Variants in TTLL7 observed in about 807,000 individuals in gnomAD.
TTLL7 encodes tubulin polyglutamylase TTLL7.
In TTLL7, 53 loss-of-function variants were observed where a neutral mutation model predicts 120.2. That is an observed-to-expected ratio of 0.44 (90% CI 0.35 to 0.55). The LOEUF (loss-of-function observed/expected upper bound fraction) is 0.55. TTLL7 is among the 20% of genes least tolerant of loss of function. The pLI is 0.00. For synonymous variants in TTLL7, 353 were observed against 351.7 expected (o/e 1.00, Z -0.04); for missense variants, 803 against 1,054.7 (o/e 0.76, Z 3.31).
intron 7 of TTLL7, among the ~76,000 whole-genome samples, chr1:83,940,298 C>G (rs1339223950): frequency 6.6e-6 from 1 of 152,120 alleles, no homozygotes; most frequent in Non-Finnish European, 1.5e-5. Flanking sequence ...TCACTCCCAC[C>G]TTACATATAT....
At chr1:83,913,341 C>A (rs992370710) in intron 14 of TTLL7, among the ~76,000 whole-genome samples, 16 of 152,082 alleles carry the variant, frequency 1.1e-4, no homozygotes, top group African/African-American at 3.9e-4. Context: ...AAGAACATTG[C>A]TAATATTTTA....
chr1:83,883,262 T>C (rs1199139960), intron 19 of TTLL7, 126 bp from the exon 20 acceptor site: 6 of 659,506 alleles, frequency 9.1e-6, no homozygotes, highest in Non-Finnish European at 1.5e-5. Context: ...GCAATAACTA[T>C]GAATGGTTTA....
chr1:83,868,472 T>G lies in TTLL7; in HGVS notation c.*1490A>C, dbSNP rs1224328911. The G allele has an allele frequency of 6.6e-6, 1 of 152,178 alleles. No homozygotes were observed. Among genetic ancestry groups the G allele is most frequent in the African/African-American group, 2.4e-5 (1 of 41,450 alleles). The allele number at this position is 152,178 out of a possible 1,614,324, so 9.4% of individuals were successfully genotyped here. The stretch of plus-strand genomic sequence containing the variant: ...TGCTATGAAACTTATGCATAACAAC[T>G]TTGGACAAGAACACTTCGTTCTCTG... On this transcript the variant is annotated 3_prime_UTR_variant, in exon 21 of 21. Coordinates refer to ENST00000260505, the MANE Select transcript of TTLL7 (RefSeq NM_024686.6).
intron 1 of TTLL7, among the ~76,000 whole-genome samples, chr1:83,964,541 A>C (rs1188430386): frequency 6.6e-6 from 1 of 152,122 alleles, no homozygotes; most frequent in Non-Finnish European, 1.5e-5. Flanking sequence ...AAGGCAGTAA[A>C]CTTGTTTTTA....
At chr1:83,936,676 G>A (rs1348658294) in intron 8 of TTLL7, among the ~76,000 whole-genome samples, 3 of 152,142 alleles carry the variant, frequency 2.0e-5, no homozygotes, top group Non-Finnish European at 4.4e-5. Context: ...TAACAAATTG[G>A]TGGATATCTG....
chr1:83,906,642 A>G, intron 16 of TTLL7, 179 bp from the exon 17 acceptor site: 1 of 760,132 alleles, frequency 1.3e-6, no homozygotes, highest in Non-Finnish European at 2.1e-6. Flanking sequence ...TATGAATCCC[A>G]AGAGTGTCTT....
intron 1 of TTLL7, among the ~76,000 whole-genome samples, chr1:83,961,129 T>G (rs1649981838): frequency 6.6e-6 from 1 of 152,166 alleles, no homozygotes; most frequent in South Asian, 2.1e-4. Flanking sequence ...TAATACTTAT[T>G]TATTGTTCCA....
intron 3 of TTLL7, among the ~76,000 whole-genome samples, chr1:83,951,124 C>T (rs146805161): frequency 0.042 from 6,360 of 152,078 alleles, 157 homozygotes; most frequent in Middle Eastern, 0.099. Context: ...CCAAGGTGGG[C>T]GGATAACGAG....
intron 1 of TTLL7, among the ~76,000 whole-genome samples, chr1:83,974,918 T>C (rs943611253): frequency 2.0e-5 from 3 of 152,162 alleles, no homozygotes; most frequent in Middle Eastern, 3.4e-3. Context: ...AATAGTTACA[T>C]ATGTAACTTA....
chr1:83,903,374 T>C (rs1656892304), intron 18 of TTLL7, among the ~76,000 whole-genome samples: 1 of 152,068 alleles, frequency 6.6e-6, no homozygotes, highest in Non-Finnish European at 1.5e-5. Context: ...AGCATGATTC[T>C]CATTTAAGTC....
chr1:83,938,110 G>C, intron 7 of TTLL7, 94 bp from the exon 8 acceptor site: 1 of 1,161,124 alleles, frequency 8.6e-7, no homozygotes. Context: ...ACTAAAGAAA[G>C]TTTTAAAGTT....
intron 1 of TTLL7, among the ~76,000 whole-genome samples, chr1:83,988,230 C>T (rs566954334): frequency 2.0e-5 from 3 of 152,282 alleles, no homozygotes; most frequent in Admixed American, 6.5e-5. Context: ...TTTATGGCTG[C>T]GTAGCATTCT....
At chr1:83,938,152 T>C in intron 7 of TTLL7, 136 bp from the exon 8 acceptor site, 1 of 731,724 alleles carries the variant, frequency 1.4e-6, no homozygotes, top group Non-Finnish European at 2.3e-6. Context: ...CTCATGATTA[T>C]TTAGATAATA....
rs1297140796 is a variant in TTLL7 at position 83,906,667 on chromosome 1, G to A, written c.1993-204C>T. 7 of 607,276 alleles carry A rather than the reference G, an allele frequency of 1.2e-5. No individual in the cohort carries two copies. The Admixed American group carries it at 1.3e-4, about 11-fold the overall frequency. 37.6% of individuals were successfully genotyped at this position (607,276 alleles called of 1,614,324 possible). A position where few individuals can be genotyped will look rare whatever the true frequency, so the allele number is the denominator to read the frequency against. On this transcript the variant is annotated intron_variant, in intron 16 of 20. Coordinates refer to ENST00000260505, the MANE Select transcript of TTLL7 (RefSeq NM_024686.6). ...AAGAGTGTCTTTCACACTTCCACAA[G>A]GTTATACTTATTTAGCTCAAAGTAC...
rs1647583892 is a variant in TTLL7 at position 83,937,993 on chromosome 1, T to C, written c.747A>G (p.Thr249=). Residue 249 remains threonine, a synonymous_variant, in exon 8 of 21, where the codon ACA becomes ACG. Transcript: ENST00000260505. ...SNLTQLYMHL[T]NYSVNKHNEH... is the part of the protein sequence containing the mutation. Reference sequence around the variant, plus strand: ...CATTATGCTTGTTCACGGAGTAGTTTGTCAGATGCATGTATAACTGGGTCT... The same window carrying C: ...CATTATGCTTGTTCACGGAGTAGTTCGTCAGATGCATGTATAACTGGGTCT... The C allele has an allele frequency of 6.2e-7, 1 of 1,613,942 alleles. No individual in the cohort carries two copies. The highest frequency in any genetic ancestry group is 1.3e-5 in the African/African-American group (1 of 74,938).
Position 83,906,389 on chromosome 1 carries a change from T to G in TTLL7, c.2067A>C (p.Lys689Asn). The G allele has an allele frequency of 6.2e-7, 1 of 1,612,620 alleles. No homozygotes were observed. Among genetic ancestry groups the G allele is most frequent in the Non-Finnish European group, 8.5e-7 (1 of 1,179,118 alleles). ...TTCCTGGAAACCGGATCTTCATGTC[T>G]TTGAGAACAAATAAGGTCTGACTTG... ...DLTSQTLFVLKDMKIRFPGKS... is the reference protein window; with the variant it reads ...DLTSQTLFVLNDMKIRFPGKS... Residue 689 changes from lysine to asparagine, a missense_variant, in exon 17 of 21, where the codon AAA becomes AAC. By Grantham distance (94) the Lys-to-Asn change is moderately conservative. This residue lies in a region of TTLL7 where 388 missense variants were observed against 450.4 expected (regional missense o/e 0.86). Coordinates refer to ENST00000260505, the MANE Select transcript of TTLL7 (RefSeq NM_024686.6).
intron 18 of TTLL7, among the ~76,000 whole-genome samples, chr1:83,895,848 G>A (rs1656170286): frequency 6.6e-6 from 1 of 152,076 alleles, no homozygotes; most frequent in African/African-American, 2.4e-5. Context: ...TTCATTTCTA[G>A]TCAAATGGTA....
chr1:83,892,695 C>G lies in TTLL7; in HGVS notation c.2209-2214G>C, dbSNP rs553675914. ...ATGAACATATGAACATATATATGAA[C>G]ATATATATGAACATATGAACATATA... On this transcript the variant is annotated intron_variant, in intron 18 of 20. Transcript: ENST00000260505. Among the ~76,000 whole-genome samples, 4 of 145,448 alleles carry G rather than the reference C, an allele frequency of 2.8e-5. No homozygotes were observed. In the East Asian group the frequency reaches 8.2e-4, roughly 30 times the overall value.
Position 83,942,572 on chromosome 1 carries a change from C to T in TTLL7, c.614G>A (p.Arg205Gln), listed in dbSNP as rs1571258711. The T allele has an allele frequency of 6.2e-7, 1 of 1,613,846 alleles. No individual in the cohort carries two copies. The highest frequency in any genetic ancestry group is 8.5e-7 in the Non-Finnish European group (1 of 1,179,858). Residue 205 changes from arginine (R) to glutamine (Q), a missense_variant, in exon 7 of 21, where the codon CGA (arginine) becomes CAA (glutamine). By Grantham distance (43) the Arg-to-Gln change is conservative. Transcript: ENST00000260505. ...ACACGATGTAACCAGAATATAAATT[C>T]GTAAGTCAAACTTGTAACCTTCCAT... is the stretch of plus-strand genomic sequence containing the variant. ...FLMEGYKFDL[R>Q]IYILVTSCDP...
Sources: gnomAD v4.1 joint callset for allele counts (sites outside exome capture counted in the v4.1 genomes callset) on GRCh38, gnomAD v4.1.1 for gene constraint, gnomAD v4.1.1 regional missense constraint, MANE v1.5 for transcripts, NCBI Gene and HGNC (gene_info 2026-07-23, HGNC 2026-07-21) for gene names.